The following GRIA1 variants were observed in gnomAD, a reference collection of about 807,000 sequenced individuals.
GRIA1 encodes glutamate receptor 1.
In GRIA1, 31 loss-of-function variants were observed where a neutral mutation model predicts 99.2. The observed-to-expected ratio is 0.31, with a 90% confidence interval of 0.23 to 0.42. GRIA1 has a LOEUF of 0.42. Ranked by LOEUF, GRIA1 falls within the 10% of genes least tolerant of loss-of-function variation. The pLI, the probability that GRIA1 is intolerant of heterozygous loss-of-function variation, is 1.00. For synonymous variants in GRIA1, 438 were observed against 432.4 expected (o/e 1.01, Z -0.16); for missense variants, 782 against 1,157.5 (o/e 0.68, Z 4.71).
Position 153,687,328 on chromosome 5 carries a change from C to T in GRIA1, c.1134+999C>T, listed in dbSNP as rs571026687. Among the ~76,000 whole-genome samples the T allele has an allele frequency of 8.5e-5, 13 of 152,146 alleles. No individual in the cohort carries two copies. In the South Asian group the frequency reaches 1.0e-3, roughly 12 times the overall value. On this transcript the variant is annotated intron_variant, in intron 8 of 15. Coordinates refer to ENST00000285900, the MANE Select transcript of GRIA1 (RefSeq NM_000827.4). ...TTCACCACTTACTAGTCTGGGGTTC[C>T]GGATAATTTATTTGAGCTCTTTGTT...
chr5:153,766,878 T>C (rs1374352672), intron 12 of GRIA1, among the ~76,000 whole-genome samples: 1 of 152,232 alleles, frequency 6.6e-6, no homozygotes, highest in Non-Finnish European at 1.5e-5. Flanking sequence ...TACTGCCTCT[T>C]GTCCACAGCA....
intron 4 of GRIA1, among the ~76,000 whole-genome samples, chr5:153,652,126 C>T (rs1008034925): frequency 6.6e-6 from 1 of 152,148 alleles, no homozygotes; most frequent in Non-Finnish European, 1.5e-5. Context: ...ATTCCTAGTG[C>T]CTACTAGGAC....
intron 2 of GRIA1, among the ~76,000 whole-genome samples, chr5:153,591,406 C>T (rs948649708): frequency 7.2e-5 from 11 of 152,154 alleles, no homozygotes; most frequent in Admixed American, 2.0e-4. Flanking sequence ...CATTGAGTAT[C>T]GCACGAAAAC....
At position 153,767,133 on chromosome 5, in the gene GRIA1, C is replaced by T. The variant is rs1318558204; in HGVS notation, c.2022+2501C>T. 2.6e-5 allele frequency among the ~76,000 whole-genome samples: 4 copies of T among 151,996 alleles called. No homozygotes were observed. The East Asian group carries it at 7.7e-4, about 29-fold the overall frequency. On this transcript the variant is annotated intron_variant, in intron 12 of 15. Transcript: ENST00000285900. ...AAAGCCAGGTATGAGGCATTCCTAC[C>T]CTAAAGTAAAACCTGAAAAAAAAGG...
Position 153,705,949 on chromosome 5 carries a change from G to A in GRIA1, c.1705G>A (p.Glu569Lys), listed in dbSNP as rs56391260. 4 of 1,614,002 alleles carry A rather than the reference G, an allele frequency of 2.5e-6. No homozygotes were observed. In the African/African-American group the frequency reaches 4.0e-5, roughly 16 times the overall value. ...CAGTCCCTATGAATGGCACAGTGAAGAGTTTGAGGAAGGACGGGACCAGAC... is the reference window on the plus strand; with the variant it reads ...CAGTCCCTATGAATGGCACAGTGAAAAGTTTGAGGAAGGACGGGACCAGAC... ...RFSPYEWHSEEFEEGRDQTTS... is the reference protein window; with the variant it reads ...RFSPYEWHSEKFEEGRDQTTS... The change falls in exon 11 of 16, where the codon GAG becomes AAG. Residue 569 changes from glutamate (E) to lysine (K), a missense_variant. Coordinates refer to ENST00000285900, the MANE Select transcript of GRIA1 (RefSeq NM_000827.4).
chr5:153,711,855 T>C, intron 11 of GRIA1, among the ~76,000 whole-genome samples: 1 of 152,010 alleles, frequency 6.6e-6, no homozygotes. Context: ...TGGAGGAAAA[T>C]GGGAAATTAT....
At chr5:153,768,497 C>A (rs1212942017) in intron 12 of GRIA1, among the ~76,000 whole-genome samples, 1 of 152,120 alleles carries the variant, frequency 6.6e-6, no homozygotes, top group Admixed American at 6.5e-5. Flanking sequence ...GTAAACCGGA[C>A]TGTAAAACGA....
In GRIA1 at chr5:153,600,963, C is replaced by T. The variant is rs12658789; in HGVS notation, c.221-45965C>T. Among the ~76,000 whole-genome samples the T allele has an allele frequency of 5.2e-3, 785 of 152,310 alleles. 8 individuals carry two copies. The highest frequency in any genetic ancestry group is 0.018 in the African/African-American group (739 of 41,562). On this transcript the variant is annotated intron_variant, in intron 2 of 15. Coordinates refer to ENST00000285900, the MANE Select transcript of GRIA1 (RefSeq NM_000827.4). ...TTTATCTCATGAGGAAGGTGGAAGT[C>T]TGAGCTGATCAGATGCTTGATGATG... is the stretch of plus-strand genomic sequence containing the variant.
chr5:153,778,437 T>A (rs1293640466), intron 13 of GRIA1, among the ~76,000 whole-genome samples: 1 of 152,064 alleles, frequency 6.6e-6, no homozygotes, highest in East Asian at 1.9e-4. Flanking sequence ...CTGACTCATC[T>A]CAGGCACTCC....
intron 7 of GRIA1, among the ~76,000 whole-genome samples, chr5:153,681,508 G>A (rs7718508): frequency 6.6e-5 from 10 of 152,270 alleles, no homozygotes; most frequent in African/African-American, 2.2e-4. Context: ...AGCAAGAGAC[G>A]AGGTAGGGTG....
intron 2 of GRIA1, among the ~76,000 whole-genome samples, chr5:153,638,680 G>A (rs74454198): frequency 0.097 from 14,787 of 152,258 alleles, 845 homozygotes; most frequent in Middle Eastern, 0.17. Context: ...TCTTATATGA[G>A]GCACTTTTTC....
chr5:153,531,606 T>G (rs1412786316), intron 2 of GRIA1, among the ~76,000 whole-genome samples: 1 of 152,216 alleles, frequency 6.6e-6, no homozygotes, highest in African/African-American at 2.4e-5. Context: ...TTAGCAAAAG[T>G]CTGCACTTCC....
intron 2 of GRIA1, among the ~76,000 whole-genome samples, chr5:153,504,364 T>A (rs991254547): frequency 5.3e-5 from 8 of 150,906 alleles, no homozygotes; most frequent in Non-Finnish European, 1.0e-4. Flanking sequence ...ATATATACAC[T>A]ATCTATATAT....
At chr5:153,505,041 CAG>C (rs1755363850) in intron 2 of GRIA1, among the ~76,000 whole-genome samples, 1 of 152,128 alleles carries the variant, frequency 6.6e-6, no homozygotes, top group African/African-American at 2.4e-5. Flanking sequence ...GAAGAGGGGA[CAG>C]GGAGAGCCAG....
chr5:153,799,804 G>T (rs78520371), intron 14 of GRIA1, among the ~76,000 whole-genome samples: 1 of 152,122 alleles, frequency 6.6e-6, no homozygotes, highest in Non-Finnish European at 1.5e-5. Context: ...TTCTTCTAAA[G>T]TGAAGGATGC....
At chr5:153,560,191 T>C (rs1761001605) in intron 2 of GRIA1, among the ~76,000 whole-genome samples, 1 of 152,166 alleles carries the variant, frequency 6.6e-6, no homozygotes, top group Admixed American at 6.6e-5. Flanking sequence ...AAATAAAGGA[T>C]GTAGGAACAG....
chr5:153,683,101 G>C (rs181284522), intron 7 of GRIA1, among the ~76,000 whole-genome samples: 1 of 152,160 alleles, frequency 6.6e-6, no homozygotes, highest in African/African-American at 2.4e-5. Context: ...CCCTGGGATG[G>C]GGGGAGAGAG....
At chr5:153,795,216 T>C (rs1429463976) in intron 14 of GRIA1, among the ~76,000 whole-genome samples, 2 of 152,164 alleles carry the variant, frequency 1.3e-5, no homozygotes, top group African/African-American at 2.4e-5. Context: ...GGCCAGTATC[T>C]TCAGCAGTAG....
At chr5:153,548,945 C>G (rs1759862852) in intron 2 of GRIA1, among the ~76,000 whole-genome samples, 1 of 151,564 alleles carries the variant, frequency 6.6e-6, no homozygotes, top group South Asian at 2.1e-4. Flanking sequence ...ATGTCGAATT[C>G]CTTGATGTAA....
Sources: gnomAD v4.1 joint callset for allele counts (sites outside exome capture counted in the v4.1 genomes callset) on GRCh38, gnomAD v4.1.1 for gene constraint, MANE v1.5 for transcripts, NCBI Gene and HGNC (gene_info 2026-07-23, HGNC 2026-07-21) for gene names.